Variants in ZNF892 observed in about 807,000 individuals in gnomAD.
ZNF892 encodes the protein zinc finger protein 892.
the ZNF892 span, among the ~76,000 whole-genome samples, chr2:95,237,725 G>GC: frequency 2.6e-5 from 4 of 152,344 alleles, no homozygotes; most frequent in African/African-American, 9.6e-5. Flanking sequence ...AGTTGTGAAT[G>GC]CAAAGGAAAA....
the ZNF892 span, among the ~76,000 whole-genome samples, chr2:95,260,424 C>T: frequency 6.6e-6 from 1 of 152,206 alleles, no homozygotes; most frequent in Non-Finnish European, 1.5e-5. Context: ...TCAGCTCTTC[C>T]TCCTGGGCTC....
At chr2:95,217,883 G>T in the ZNF892 span, among the ~76,000 whole-genome samples, 1 of 152,146 alleles carries the variant, frequency 6.6e-6, no homozygotes, top group Non-Finnish European at 1.5e-5. Flanking sequence ...CCAGGGTGAT[G>T]GTTCCACCCT....
At chr2:95,218,371 T>C in the ZNF892 span, among the ~76,000 whole-genome samples, 7 of 152,340 alleles carry the variant, frequency 4.6e-5, no homozygotes, top group East Asian at 1.2e-3. Flanking sequence ...AAATAAACAG[T>C]TTCATCACTC....
chr2:95,254,825 G>A, the ZNF892 span, among the ~76,000 whole-genome samples: 6 of 152,132 alleles, frequency 3.9e-5, no homozygotes, highest in Non-Finnish European at 7.4e-5. Context: ...TGTATGTGTC[G>A]AAGAATGTAT....
At chr2:95,221,304 A>G in the ZNF892 span, among the ~76,000 whole-genome samples, 1 of 152,212 alleles carries the variant, frequency 6.6e-6, no homozygotes, top group Non-Finnish European at 1.5e-5. Flanking sequence ...GAGGCTTTTT[A>G]TCTTTTTAAG....
the ZNF892 span, among the ~76,000 whole-genome samples, chr2:95,239,348 A>G: frequency 6.6e-6 from 1 of 152,186 alleles, no homozygotes; most frequent in Admixed American, 6.5e-5. Context: ...ACATAAACTT[A>G]GTTGACAAAG....
the ZNF892 span, among the ~76,000 whole-genome samples, chr2:95,248,427 C>A: frequency 6.6e-6 from 1 of 152,166 alleles, no homozygotes; most frequent in African/African-American, 2.4e-5. Context: ...CAATCATACT[C>A]CAAACCTCAG....
the ZNF892 span, among the ~76,000 whole-genome samples, chr2:95,210,249 A>G: frequency 1.0e-4 from 15 of 150,062 alleles, no homozygotes; most frequent in East Asian, 1.4e-3. Flanking sequence ...GTATATATAT[A>G]TGTGTATATA....
the ZNF892 span, chr2:95,208,582 G>A: frequency 2.5e-6 from 1 of 398,250 alleles, no homozygotes; most frequent in African/African-American, 2.1e-5. Flanking sequence ...TAGCTGGTGT[G>A]TGGCACTTCC....
At chr2:95,225,768 G>A in the ZNF892 span, among the ~76,000 whole-genome samples, 1 of 152,174 alleles carries the variant, frequency 6.6e-6, no homozygotes. Context: ...AGATATGGGT[G>A]AGACTCAAAT....
the ZNF892 span, among the ~76,000 whole-genome samples, chr2:95,233,104 A>G: frequency 6.6e-6 from 1 of 151,690 alleles, no homozygotes; most frequent in Non-Finnish European, 1.5e-5. Flanking sequence ...CTGGAAGCAC[A>G]CCTTTGTCCA....
At chr2:95,258,601 A>G in the ZNF892 span, among the ~76,000 whole-genome samples, 2 of 152,244 alleles carry the variant, frequency 1.3e-5, no homozygotes, top group Non-Finnish European at 2.9e-5. Context: ...TTGAAAATAG[A>G]GGACAAAGAA....
chr2:95,212,163 C>T, the ZNF892 span: 1 of 398,324 alleles, frequency 2.5e-6, no homozygotes, highest in Non-Finnish European at 4.4e-6. Context: ...GAGGTCTTCA[C>T]CAGACTCCTT....
chr2:95,214,154 T>C, the ZNF892 span, among the ~76,000 whole-genome samples: 1 of 152,142 alleles, frequency 6.6e-6, no homozygotes, highest in African/African-American at 2.4e-5. Context: ...TCCAGTCATC[T>C]TTTTTTTCTT....
At chr2:95,235,422 C>T in the ZNF892 span, among the ~76,000 whole-genome samples, 15 of 147,810 alleles carry the variant, frequency 1.0e-4, no homozygotes, top group African/African-American at 3.0e-4. Flanking sequence ...GGTGCAGTGG[C>T]GCAATCTCGG....
the ZNF892 span, chr2:95,215,094 A>T: frequency 2.0e-6 from 1 of 502,968 alleles, no homozygotes; most frequent in Non-Finnish European, 3.6e-6. Context: ...GCATCAGGTC[A>T]TTCACACTGG....
chr2:95,216,132 A>G, the ZNF892 span, among the ~76,000 whole-genome samples: 1 of 152,202 alleles, frequency 6.6e-6, no homozygotes, highest in Non-Finnish European at 1.5e-5. Flanking sequence ...AATGAACCCA[A>G]GAAATGTTGA....
At chr2:95,235,140 G>C in the ZNF892 span, among the ~76,000 whole-genome samples, 1 of 152,046 alleles carries the variant, frequency 6.6e-6, no homozygotes, top group Admixed American at 6.6e-5. Context: ...CTGAGGGAGA[G>C]AACAGGAAAA....
chr2:95,232,456 G>A, the ZNF892 span, among the ~76,000 whole-genome samples: 8 of 152,238 alleles, frequency 5.3e-5, no homozygotes, highest in Non-Finnish European at 7.3e-5. Context: ...CAGGCAGGGC[G>A]CCTGGGACAC....
Sources: gnomAD v4.1 joint callset for allele counts (sites outside exome capture counted in the v4.1 genomes callset) on GRCh38, gnomAD v4.1.1 for gene constraint, MANE v1.5 for transcripts, NCBI Gene and HGNC (gene_info 2026-07-23, HGNC 2026-07-21) for gene names.